ARHGAP6: variants seen among roughly 807,000 people sequenced by gnomAD.
ARHGAP6 encodes the protein Rho GTPase activating protein 6.
Under a neutral mutation model 55.7 loss-of-function variants are expected in ARHGAP6, and 16 were observed. That is an observed-to-expected ratio of 0.29 (90% CI 0.19 to 0.44). The LOEUF is 0.44. Ranked by LOEUF, ARHGAP6 falls within the 20% of genes least tolerant of loss-of-function variation. ARHGAP6 has a pLI of 1.00. For synonymous variants in ARHGAP6, 382 were observed against 360.9 expected (o/e 1.06, Z -0.66); for missense variants, 698 against 808.9 (o/e 0.86, Z 1.66).
At chrX:11,346,207 C>T (rs772967004) in intron 1 of ARHGAP6, among the ~76,000 whole-genome samples, 33 of 111,787 alleles carry the variant, frequency 3.0e-4, no homozygotes, top group Non-Finnish European at 5.6e-5. Flanking sequence ...TAGGAGTTGG[C>T]AAACTACAGC....
At chrX:11,353,764 C>T (rs2048891358) in intron 1 of ARHGAP6, among the ~76,000 whole-genome samples, 1 of 110,863 alleles carries the variant, frequency 9.0e-6, no homozygotes, top group Non-Finnish European at 1.9e-5. Flanking sequence ...TTCTCTCTTC[C>T]CTAATTGTTC....
At chrX:11,369,092 C>T (rs559303506) in intron 1 of ARHGAP6, among the ~76,000 whole-genome samples, 3 of 111,580 alleles carry the variant, frequency 2.7e-5, no homozygotes, top group East Asian at 5.7e-4. Context: ...TCCCTTGAGC[C>T]CCTCTGTAAA....
chrX:11,579,709 T>C (rs2051643098), intron 1 of ARHGAP6, among the ~76,000 whole-genome samples: 1 of 112,430 alleles, frequency 8.9e-6, no homozygotes, highest in Admixed American at 9.4e-5. Context: ...AAGTTATCTC[T>C]AAATGAATTA....
At chrX:11,450,257 A>G (rs1470251345) in intron 1 of ARHGAP6, among the ~76,000 whole-genome samples, 3 of 105,214 alleles carry the variant, frequency 2.9e-5, no homozygotes, top group East Asian at 5.8e-4. Flanking sequence ...TTTGCTATCT[A>G]TTGTATGTTT....
At chrX:11,286,869 A>T (rs1277214528) in intron 1 of ARHGAP6, among the ~76,000 whole-genome samples, 1 of 112,088 alleles carries the variant, frequency 8.9e-6, no homozygotes, top group African/African-American at 3.2e-5. Flanking sequence ...GCAAATCCAT[A>T]GACACAGGAA....
intron 7 of ARHGAP6, among the ~76,000 whole-genome samples, chrX:11,178,462 G>C (rs1283472530): frequency 9.8e-6 from 1 of 102,221 alleles, no homozygotes; most frequent in Non-Finnish European, 2.0e-5. Flanking sequence ...GTAATACCTA[G>C]AAAAATAACT....
chrX:11,280,112 C>A (rs1040952289), intron 1 of ARHGAP6, among the ~76,000 whole-genome samples: 2 of 111,766 alleles, frequency 1.8e-5, no homozygotes, highest in African/African-American at 6.5e-5. Flanking sequence ...AAAGAATGAT[C>A]CCACCCTAAA....
chrX:11,224,953 G>T (rs1265102334), intron 2 of ARHGAP6, among the ~76,000 whole-genome samples: 1 of 111,026 alleles, frequency 9.0e-6, no homozygotes, highest in Non-Finnish European at 1.9e-5. Flanking sequence ...TGGAAATATG[G>T]GCAAATTATT....
chrX:11,189,131 T>C, intron 3 of ARHGAP6, 147 bp from the exon 4 acceptor site: 2 of 713,932 alleles, frequency 2.8e-6, no homozygotes, highest in South Asian at 3.2e-5. Flanking sequence ...GTGACATTTG[T>C]GTTAATCAGA....
At chrX:11,433,799 A>G (rs186045491) in intron 1 of ARHGAP6, among the ~76,000 whole-genome samples, 1 of 112,752 alleles carries the variant, frequency 8.9e-6, no homozygotes, top group Non-Finnish European at 1.9e-5. Context: ...CCTCAGAACA[A>G]CTGGGAAGGA....
At chrX:11,654,873 A>C (rs1181569625) in intron 1 of ARHGAP6, among the ~76,000 whole-genome samples, 2 of 112,374 alleles carry the variant, frequency 1.8e-5, no homozygotes, top group Non-Finnish European at 3.8e-5. Context: ...TTTTCTGAAA[A>C]TTATAAATAT....
intron 1 of ARHGAP6, among the ~76,000 whole-genome samples, chrX:11,500,806 C>A (rs760525265): frequency 1.8e-5 from 2 of 110,143 alleles, no homozygotes; most frequent in Non-Finnish European, 3.8e-5. Context: ...TGGAGCTCAG[C>A]ATTTAACCAT....
intron 3 of ARHGAP6, among the ~76,000 whole-genome samples, chrX:11,192,771 T>G (rs1420450525): frequency 1.8e-5 from 2 of 111,802 alleles, no homozygotes; most frequent in African/African-American, 3.2e-5. Flanking sequence ...TCTGAAAATG[T>G]CCTGGCAGGG....
At position 11,185,251 on chromosome X, in the gene ARHGAP6, T is replaced by TG. The variant is rs1328476708; in HGVS notation, c.1273+984dup. Among the ~76,000 whole-genome samples, 3 of 109,757 alleles carry TG rather than the reference T, an allele frequency of 2.7e-5. No homozygotes were observed. The East Asian group carries it at 8.5e-4, about 31-fold the overall frequency. ...ATACACAGGCAAGTGAAAGATAAGG[T>TG]GAAAAAAATTAAAAGAACCTACACT... On this transcript the variant is annotated intron_variant, in intron 5 of 12. Coordinates refer to ENST00000337414, the MANE Select transcript of ARHGAP6 (RefSeq NM_013427.3).
intron 1 of ARHGAP6, among the ~76,000 whole-genome samples, chrX:11,544,871 C>A (rs1450928149): frequency 8.9e-6 from 1 of 112,401 alleles, no homozygotes; most frequent in African/African-American, 3.2e-5. Context: ...TCTAATAGGG[C>A]CAACGCTATT....
intron 1 of ARHGAP6, among the ~76,000 whole-genome samples, chrX:11,346,763 G>GAAAGAAAGAAAGAAAGACAGAAAC (rs2048793578): frequency 9.2e-6 from 1 of 108,482 alleles, no homozygotes; most frequent in African/African-American, 3.4e-5. Context: ...AAGAGAGAAA[G>GAAAGAAAGAAAGAAAGACAGAAAC]AAAAGAAAAG....
chrX:11,641,331 T>C (rs1202503373), intron 1 of ARHGAP6, among the ~76,000 whole-genome samples: 1 of 111,459 alleles, frequency 9.0e-6, no homozygotes, highest in African/African-American at 3.3e-5. Context: ...GCAGAGCAAT[T>C]TCTGGTTCCA....
chrX:11,474,733 G>C (rs1285028253), intron 1 of ARHGAP6, among the ~76,000 whole-genome samples: 1 of 111,473 alleles, frequency 9.0e-6, no homozygotes, highest in Non-Finnish European at 1.9e-5. Context: ...GTGGTGTTGG[G>C]AGGTGGGGCT....
At chrX:11,587,383 G>C (rs2051747429) in intron 1 of ARHGAP6, among the ~76,000 whole-genome samples, 1 of 111,686 alleles carries the variant, frequency 9.0e-6, no homozygotes, top group African/African-American at 3.3e-5. Context: ...ATACATATGA[G>C]GAATACATTG....
Sources: allele counts gnomAD v4.1 joint callset (sites outside exome capture counted in the v4.1 genomes callset), GRCh38; gene constraint gnomAD v4.1.1; transcripts MANE v1.5; gene names NCBI Gene and HGNC (gene_info 2026-07-23, HGNC 2026-07-21).